Variants in CFAP221 observed in about 807,000 individuals in gnomAD.
CFAP221 encodes the protein cilia and flagella associated protein 221.
Under a neutral mutation model 113.1 loss-of-function variants are expected in CFAP221, and 97 were observed. That is an observed-to-expected ratio of 0.86 (90% CI 0.73 to 1.02). CFAP221 has a LOEUF of 1.02. Ranked by LOEUF, CFAP221 falls within the 50% of genes least tolerant of loss-of-function variation. CFAP221 has a pLI of 0.00. For synonymous variants in CFAP221, 331 were observed against 354.4 expected (o/e 0.93, Z 0.74); for missense variants, 1,025 against 1,013.4 (o/e 1.01, Z -0.16).
At chr2:119,625,011 C>G (rs1686194632) in intron 14 of CFAP221, among the ~76,000 whole-genome samples, 4 of 148,758 alleles carry the variant, frequency 2.7e-5, no homozygotes, top group Admixed American at 2.0e-4. Flanking sequence ...CCAGAACTTA[C>G]AGTATATATT....
intron 2 of CFAP221, among the ~76,000 whole-genome samples, chr2:119,547,513 G>A (rs960798782): frequency 5.9e-5 from 9 of 152,058 alleles, no homozygotes; most frequent in Non-Finnish European, 1.3e-4. Context: ...GAGCCAAGAT[G>A]GCGCCACTGC....
chr2:119,547,990 G>A (rs993456495), intron 2 of CFAP221, among the ~76,000 whole-genome samples: 1 of 152,124 alleles, frequency 6.6e-6, no homozygotes, highest in African/African-American at 2.4e-5. Context: ...TTTTGAGACG[G>A]TGTTGTTCTG....
chr2:119,580,983 G>A (rs929694970), intron 6 of CFAP221: 3 of 152,390 alleles, frequency 2.0e-5, no homozygotes, highest in African/African-American at 4.8e-5. Flanking sequence ...GTGGACAGAG[G>A]ACAGTGTAAG....
At chr2:119,636,366 G>A (rs1194121137) in intron 19 of CFAP221, among the ~76,000 whole-genome samples, 2 of 152,164 alleles carry the variant, frequency 1.3e-5, no homozygotes, top group East Asian at 1.9e-4. Context: ...GCAGAAGAAT[G>A]ATGTTTTGAT....
intron 21 of CFAP221, 22 bp from the exon 22 acceptor site, chr2:119,646,936 T>C: frequency 6.3e-7 from 1 of 1,593,172 alleles, no homozygotes; most frequent in Non-Finnish European, 8.6e-7. Context: ...TATCTTTGAC[T>C]GCTTGTGTGG....
intron 8 of CFAP221, among the ~76,000 whole-genome samples, chr2:119,603,477 C>T (rs1239258819): frequency 6.6e-6 from 1 of 152,180 alleles, no homozygotes; most frequent in African/African-American, 2.4e-5. Flanking sequence ...GATGCTCTTA[C>T]ATGAGAGACA....
chr2:119,647,185 C>T, intron 22 of CFAP221, 135 bp downstream of exon 22: 1 of 590,632 alleles, frequency 1.7e-6, no homozygotes, highest in East Asian at 3.1e-5. Context: ...GGCTAACACC[C>T]ATCCATACCA....
chr2:119,628,292 GGGGTGTGTGTGT>G (rs1235595149), intron 16 of CFAP221, among the ~76,000 whole-genome samples: 25 of 12,070 alleles, frequency 2.1e-3, no homozygotes, highest in African/African-American at 2.8e-3. Flanking sequence ...CTCTCTCTGG[GGGGTGTGTGTGT>G]GTGTGTGTGT....
At chr2:119,606,170 A>T (rs1568541) in intron 11 of CFAP221, among the ~76,000 whole-genome samples, 136,484 of 149,854 alleles carry the variant, frequency 0.91, 62,298 homozygotes, top group South Asian at 0.97. Context: ...TGCCCAGCAA[A>T]TTTTTTTTTT....
intron 8 of CFAP221, chr2:119,602,736 C>T (rs2104667459): frequency 1.0e-6 from 1 of 985,410 alleles, no homozygotes; most frequent in African/African-American, 1.7e-5. Context: ...TTTAAAACTG[C>T]TGATTTTTCT....
At chr2:119,591,930 G>A (rs1415564991) in intron 7 of CFAP221, among the ~76,000 whole-genome samples, 2 of 152,162 alleles carry the variant, frequency 1.3e-5, no homozygotes, top group African/African-American at 2.4e-5. Flanking sequence ...CAGGTGTAAA[G>A]TATAGAAGAA....
At chr2:119,554,436 G>A (rs1294611559) in intron 3 of CFAP221, among the ~76,000 whole-genome samples, 1 of 152,154 alleles carries the variant, frequency 6.6e-6, no homozygotes, top group Admixed American at 6.5e-5. Context: ...AAATTATTAA[G>A]TAAATAATCC....
intron 3 of CFAP221, among the ~76,000 whole-genome samples, chr2:119,550,205 T>G (rs910517171): frequency 6.6e-5 from 10 of 152,190 alleles, no homozygotes; most frequent in Admixed American, 4.6e-4. Context: ...CAAGACTACT[T>G]TTAGATGTAC....
At chr2:119,635,092 AT>A (rs1462574474) in intron 19 of CFAP221, among the ~76,000 whole-genome samples, 1 of 152,244 alleles carries the variant, frequency 6.6e-6, no homozygotes, top group Non-Finnish European at 1.5e-5. Context: ...AGATATACAG[AT>A]GGCAAATATG....
rs1398242764 is a variant in CFAP221 at position 119,549,167 on chromosome 2, A to G, written c.222A>G (p.Lys74=). 6.5e-7 allele frequency: 1 copy of G among 1,533,656 alleles called. No homozygotes were observed. The highest frequency in any genetic ancestry group is 1.4e-5 in the African/African-American group (1 of 72,982). Residue 74 remains lysine, a synonymous_variant, in exon 3 of 24, where the codon AAA becomes AAG. Transcript: ENST00000413369. ...IIHFGGYQVE[K]QHQQILHLVN... Reference sequence around the variant, plus strand: ...ATTTTGGAGGCTATCAAGTAGAAAAACAACACCAACAGATTCTGGTAGGTA... The same window carrying G: ...ATTTTGGAGGCTATCAAGTAGAAAAGCAACACCAACAGATTCTGGTAGGTA...
At chr2:119,553,431 A>G (rs531510027) in intron 3 of CFAP221, among the ~76,000 whole-genome samples, 41 of 152,350 alleles carry the variant, frequency 2.7e-4, no homozygotes, top group Non-Finnish European at 5.3e-4. Flanking sequence ...TTCAGAAAGC[A>G]GCAGGAAGTT....
At chr2:119,554,151 T>C (rs1680618281) in intron 3 of CFAP221, among the ~76,000 whole-genome samples, 5 of 152,182 alleles carry the variant, frequency 3.3e-5, no homozygotes, top group Admixed American at 3.3e-4. Context: ...AGGTGGAAAA[T>C]CCAACAACTG....
downstream of CFAP221, among the ~76,000 whole-genome samples, chr2:119,659,340 C>T (rs902693740): frequency 2.0e-5 from 3 of 152,232 alleles, no homozygotes; most frequent in African/African-American, 7.2e-5. Flanking sequence ...CTCCTACTCC[C>T]ATCAGTGTGG....
At chr2:119,646,596 C>T (rs2104805522) in intron 21 of CFAP221, among the ~76,000 whole-genome samples, 1 of 152,358 alleles carries the variant, frequency 6.6e-6, no homozygotes, top group Admixed American at 6.5e-5. Context: ...CCACCTCCAA[C>T]ACTGGGGATT....
Sources: gnomAD v4.1 joint callset for allele counts (sites outside exome capture counted in the v4.1 genomes callset) on GRCh38, gnomAD v4.1.1 for gene constraint, MANE v1.5 for transcripts, NCBI Gene and HGNC (gene_info 2026-07-23, HGNC 2026-07-21) for gene names.